Variants in TMEM198 observed in about 807,000 individuals in gnomAD.
TMEM198 encodes transmembrane protein 198.
In TMEM198, 21 loss-of-function variants were observed where a neutral mutation model predicts 31.5. That is an observed-to-expected ratio of 0.67 (90% CI 0.47 to 0.96). The LOEUF (loss-of-function observed/expected upper bound fraction) is 0.96, where lower values mean the gene tolerates loss of function less well. TMEM198 is among the 40% of genes least tolerant of loss of function. The pLI, the probability that TMEM198 is intolerant of heterozygous loss-of-function variation, is 0.00. For synonymous variants in TMEM198, 211 were observed against 223.3 expected (o/e 0.95, Z 0.49); for missense variants, 447 against 499.4 (o/e 0.89, Z 1.00).
At position 219,547,650 on chromosome 2, in the gene TMEM198, T is replaced by G; in HGVS notation, c.311T>G (p.Leu104Arg). ...ASAGIALGIG[L>R]LCGLVAMLVR... Reference sequence around the variant, plus strand: ...GCGGGCATCGCTCTGGGCATCGGGCTGCTCTGCGGGCTGGTGGCCATGCTA... The same window carrying G: ...GCGGGCATCGCTCTGGGCATCGGGCGGCTCTGCGGGCTGGTGGCCATGCTA... Residue 104 changes from leucine (L) to arginine (R), a missense_variant, in exon 3 of 5, where the codon CTG (leucine) becomes CGG (arginine). Transcript: ENST00000373883. The G allele has an allele frequency of 6.5e-7, 1 of 1,529,954 alleles. No individual in the cohort carries two copies. The highest frequency in any genetic ancestry group is 1.3e-5 in the South Asian group (1 of 79,460). The allele number at this position is 1,529,954 out of a possible 1,614,324, so 94.8% of individuals were successfully genotyped here.
At chr2:219,549,506 G>C (rs535260510) in intron 4 of TMEM198, 152 bp downstream of exon 4, 1 of 1,252,640 alleles carries the variant, frequency 8.0e-7, no homozygotes, top group Non-Finnish European at 1.1e-6. Flanking sequence ...ATGCACCAGG[G>C]GCTTGGCGGG....
chr2:219,547,837 C>A lies in TMEM198; in HGVS notation c.498C>A (p.Arg166=). The change falls in exon 3 of 5, where the codon CGC becomes CGA. Residue 166 remains arginine (R), a synonymous_variant. Transcript: ENST00000373883. ...TGCTCTGTGCCCTGCTCACTCTGCG[C>A]TGGCCCCGCCCACTCACCACCCTGG... ...GGLLCALLTL[R]WPRPLTTLAT... 1 of 1,587,626 alleles carries A rather than the reference C, an allele frequency of 6.3e-7. No individual in the cohort carries two copies. The highest frequency in any genetic ancestry group is 2.2e-5 in the East Asian group (1 of 44,522).
At chr2:219,546,293 ATC>A (rs1317146427) in intron 2 of TMEM198, among the ~76,000 whole-genome samples, 1 of 152,076 alleles carries the variant, frequency 6.6e-6, no homozygotes, top group African/African-American at 2.4e-5. Context: ...CCTTTCAAGT[ATC>A]TCTAATGGGC....
chr2:219,543,960 G>A (rs1695336093), upstream of TMEM198: 2 of 347,396 alleles, frequency 5.8e-6, no homozygotes, highest in Non-Finnish European at 1.1e-5. Context: ...CTCCCGCGGC[G>A]TGGTTGGTGC....
At position 219,547,972 on chromosome 2, in the gene TMEM198, C is replaced by A; in HGVS notation, c.633C>A (p.Pro211=). The change falls in exon 3 of 5, where the codon CCC becomes CCA. Residue 211 remains proline (P), a synonymous_variant. Transcript: ENST00000373883. The stretch of plus-strand genomic sequence containing the variant: ...AGCGACTCCGGGCTGCTCCTGTGCC[C>A]CCACTCTGCTGGCGAAGCTGGGCCC... ...VVERLRAAPV[P]PLCWRSWALL... 1 of 1,588,248 alleles carries A rather than the reference C, an allele frequency of 6.3e-7. No homozygotes were observed. Among genetic ancestry groups the A allele is most frequent in the Non-Finnish European group, 8.5e-7 (1 of 1,172,252 alleles).
chr2:219,549,869 C>T lies in TMEM198; in HGVS notation c.*15C>T. ...TGCGGGTATAGCCATATCTGTCTGT[C>T]TAGACTCTGCAGTCACCAGCTCTGC... On this transcript the variant is annotated 3_prime_UTR_variant, in exon 5 of 5. Transcript: ENST00000373883. 6 of 1,606,838 alleles carry T rather than the reference C, an allele frequency of 3.7e-6. No individual in the cohort carries two copies. Among genetic ancestry groups the T allele is most frequent in the Non-Finnish European group, 5.1e-6 (6 of 1,174,128 alleles).
chr2:219,549,879 C>T lies in TMEM198; in HGVS notation c.*25C>T. On this transcript the variant is annotated 3_prime_UTR_variant, in exon 5 of 5. Coordinates refer to ENST00000373883, the MANE Select transcript of TMEM198 (RefSeq NM_001005209.3). ...GCCATATCTGTCTGTCTAGACTCTG[C>T]AGTCACCAGCTCTGCCAGCTCGAGG... is the stretch of plus-strand genomic sequence containing the variant. The T allele has an allele frequency of 6.2e-7, 1 of 1,600,304 alleles. No homozygotes were observed. Among genetic ancestry groups the T allele is most frequent in the East Asian group, 2.2e-5 (1 of 44,462 alleles).
In TMEM198 at chr2:219,550,151, G is replaced by A. The variant is rs1356365509; in HGVS notation, c.*297G>A. Reference sequence around the variant, plus strand: ...TATGTGTGTGGGGGTGGGCAGGCTTGGAGGGGACGCTGGGACCCTTGCCTT... The same window carrying A: ...TATGTGTGTGGGGGTGGGCAGGCTTAGAGGGGACGCTGGGACCCTTGCCTT... On this transcript the variant is annotated 3_prime_UTR_variant, in exon 5 of 5. Transcript: ENST00000373883. 3 of 316,890 alleles carry A rather than the reference G, an allele frequency of 9.5e-6. No homozygotes were observed. Among genetic ancestry groups the A allele is most frequent in the Non-Finnish European group, 1.7e-5 (3 of 173,094 alleles). 19.6% of individuals were successfully genotyped at this position (316,890 alleles called of 1,614,324 possible).
In TMEM198 at chr2:219,550,577, G is replaced by T; in HGVS notation, c.*723G>T. 1.8e-6 allele frequency: 1 copy of T among 547,860 alleles called. No homozygotes were observed. The allele number at this position is 547,860 out of a possible 1,614,324, so 33.9% of individuals were successfully genotyped here. ...ACATCTTTTATAAATGTGCCAAACTGTGTGGCCTCTGCCAGGAATGGTGGT... is the reference window on the plus strand; with the variant it reads ...ACATCTTTTATAAATGTGCCAAACTTTGTGGCCTCTGCCAGGAATGGTGGT... On this transcript the variant is annotated 3_prime_UTR_variant, in exon 5 of 5. Transcript: ENST00000373883.
intron 3 of TMEM198, 95 bp downstream of exon 3, chr2:219,548,176 A>T: frequency 4.2e-6 from 5 of 1,184,216 alleles, no homozygotes; most frequent in Non-Finnish European, 5.7e-6. Flanking sequence ...CAGCAGCAGA[A>T]GGCCTCGATG....
chr2:219,549,468 T>C lies in TMEM198; in HGVS notation c.945+114T>C, dbSNP rs1050302133. ...GCTATCTAGAAGGCCTGTTTGTCCA[T>C]GAACTGTTTGTCCATGCATCGGAGC... is the stretch of plus-strand genomic sequence containing the variant. On this transcript the variant is annotated intron_variant, in intron 4 of 4. Coordinates refer to ENST00000373883, the MANE Select transcript of TMEM198 (RefSeq NM_001005209.3). The C allele has an allele frequency of 1.6e-5, 22 of 1,362,070 alleles. No homozygotes were observed. In the Admixed American group the frequency reaches 5.2e-4, roughly 32 times the overall value. 84.4% of individuals were successfully genotyped at this position (1,362,070 alleles called of 1,614,324 possible). A position where few individuals can be genotyped will look rare whatever the true frequency, so the allele number is the denominator to read the frequency against.
intron 2 of TMEM198, among the ~76,000 whole-genome samples, chr2:219,546,771 C>CAAG (rs1488075252): frequency 1.7e-5 from 2 of 120,736 alleles, no homozygotes; most frequent in African/African-American, 6.7e-5. Flanking sequence ...CCTCACCTCT[C>CAAG]AAGTTTCTTT....
rs370771518 is a variant in TMEM198, at chr2:219,549,823, C to G, written c.1052C>G (p.Thr351Arg). 5.0e-6 allele frequency: 8 copies of G among 1,614,018 alleles called. No individual in the cohort carries two copies. The African/African-American group carries it at 1.1e-4, about 22-fold the overall frequency. ...GAGTATGGGTCCCGGGGACCTCTGA[C>G]AGCCTGCTCAGGCCCCCCAGTGCGG... Reference protein sequence around the residue: ...DYEYGSRGPLTACSGPPVRV With the variant: ...DYEYGSRGPLRACSGPPVRV Residue 351 changes from threonine (T) to arginine (R), a missense_variant, in exon 5 of 5, where the codon ACA (threonine) becomes AGA (arginine). Coordinates refer to ENST00000373883, the MANE Select transcript of TMEM198 (RefSeq NM_001005209.3).
chr2:219,545,397 C>T (rs1695369799), intron 2 of TMEM198, among the ~76,000 whole-genome samples: 1 of 149,774 alleles, frequency 6.7e-6, no homozygotes, highest in Admixed American at 6.6e-5. Context: ...GGATGGTGGT[C>T]ACACACATCC....
In TMEM198 at chr2:219,550,173, C is replaced by A; in HGVS notation, c.*319C>A. On this transcript the variant is annotated 3_prime_UTR_variant, in exon 5 of 5. Coordinates refer to ENST00000373883, the MANE Select transcript of TMEM198 (RefSeq NM_001005209.3). Reference sequence around the variant, plus strand: ...CTTGGAGGGGACGCTGGGACCCTTGCCTTAGATTTCTGACTGGTAGGGTTT... The same window carrying A: ...CTTGGAGGGGACGCTGGGACCCTTGACTTAGATTTCTGACTGGTAGGGTTT... The A allele has an allele frequency of 3.8e-6, 1 of 266,316 alleles. No individual in the cohort carries two copies. Among genetic ancestry groups the A allele is most frequent in the Non-Finnish European group, 7.1e-6 (1 of 140,938 alleles). 16.5% of individuals were successfully genotyped at this position (266,316 alleles called of 1,614,324 possible). A position where few individuals can be genotyped will look rare whatever the true frequency, so the allele number is the denominator to read the frequency against.
intron 2 of TMEM198, among the ~76,000 whole-genome samples, chr2:219,545,910 G>A (rs1695378943): frequency 6.6e-6 from 1 of 152,160 alleles, no homozygotes; most frequent in Non-Finnish European, 1.5e-5. Flanking sequence ...CAACTGAAGA[G>A]TAGGCAGGAG....
intron 1 of TMEM198, 117 bp from the exon 2 acceptor site, chr2:219,544,572 A>C (rs1192384856): frequency 2.5e-6 from 2 of 808,116 alleles, no homozygotes; most frequent in Admixed American, 2.6e-5. Flanking sequence ...GGAGCTGCAC[A>C]AATGTGGATA....
chr2:219,547,846 C>T lies in TMEM198; in HGVS notation c.507C>T (p.Arg169=), dbSNP rs1695424172. 6.3e-7 allele frequency: 1 copy of T among 1,587,174 alleles called. No individual in the cohort carries two copies. Among genetic ancestry groups the T allele is most frequent in the African/African-American group, 1.3e-5 (1 of 74,700 alleles). ...LCALLTLRWP[R]PLTTLATAVT... is the part of the protein sequence containing the mutation. ...CCCTGCTCACTCTGCGCTGGCCCCG[C>T]CCACTCACCACCCTGGCCACCGCCG... Residue 169 remains arginine, a synonymous_variant, in exon 3 of 5, where the codon CGC becomes CGT. Transcript: ENST00000373883.
In TMEM198 at chr2:219,549,898, C is replaced by T; in HGVS notation, c.*44C>T. On this transcript the variant is annotated 3_prime_UTR_variant, in exon 5 of 5. Transcript: ENST00000373883. ...ACTCTGCAGTCACCAGCTCTGCCAG[C>T]TCGAGGAGGCCTGCTAGGCTGCCAC... is the stretch of plus-strand genomic sequence containing the variant. 1 of 1,591,536 alleles carries T rather than the reference C, an allele frequency of 6.3e-7. No individual in the cohort carries two copies. The highest frequency in any genetic ancestry group is 2.3e-5 in the East Asian group (1 of 44,318).
Sources: gnomAD v4.1 joint callset for allele counts (sites outside exome capture counted in the v4.1 genomes callset) on GRCh38, gnomAD v4.1.1 for gene constraint, MANE v1.5 for transcripts, NCBI Gene and HGNC (gene_info 2026-07-23, HGNC 2026-07-21) for gene names.